The following ZFP64 variants were observed in gnomAD, a reference collection of about 807,000 sequenced individuals.
ZFP64 encodes the protein zinc finger protein 64.
ZFP64 carries 14 observed loss-of-function variants against 51.6 expected under a neutral mutation model. That is an observed-to-expected ratio of 0.27 (90% CI 0.18 to 0.42). ZFP64 has a LOEUF of 0.42. Among genes scored for constraint, ZFP64 ranks in the 10% least tolerant of loss-of-function variants. The pLI, the probability that ZFP64 is intolerant of heterozygous loss-of-function variation, is 1.00. For missense variants in ZFP64, 754 were observed against 906.8 expected (o/e 0.83, Z 2.16); for synonymous variants, 375 against 361.4 (o/e 1.04, Z -0.43).
chr20:52,119,592 C>CATACAT (rs1160086714), intron 5 of ZFP64, among the ~76,000 whole-genome samples: 2 of 146,726 alleles, frequency 1.4e-5, no homozygotes, highest in Non-Finnish European at 3.0e-5. Context: ...CACACACACA[C>CATACAT]ACACACATAT....
At chr20:52,111,501 C>T (rs75552887) in intron 5 of ZFP64, among the ~76,000 whole-genome samples, 1 of 151,860 alleles carries the variant, frequency 6.6e-6, no homozygotes, top group South Asian at 2.1e-4. Context: ...AGGCGTGAGC[C>T]ACCTTGCCCA....
intron 5 of ZFP64, among the ~76,000 whole-genome samples, chr20:52,139,143 T>G (rs1271591753): frequency 2.2e-4 from 33 of 152,146 alleles, no homozygotes; most frequent in Admixed American, 2.0e-3. Flanking sequence ...TCAAAGAACT[T>G]AGAACTACCA....
chr20:52,092,795 G>A lies in ZFP64; in HGVS notation c.977-4152C>T, dbSNP rs192599739. The stretch of plus-strand genomic sequence containing the variant: ...CACTTGAACCAGGGAGACATAAGTT[G>A]CAGTAAGCCAAGAGTGCACCACTGT... On this transcript the variant is annotated intron_variant, in intron 7 of 8. Transcript: ENST00000361387. Among the ~76,000 whole-genome samples the A allele has an allele frequency of 3.9e-5, 6 of 152,304 alleles. No homozygotes were observed. In the East Asian group the frequency reaches 9.6e-4, roughly 24 times the overall value.
Position 52,153,127 on chromosome 20 carries a change from C to G in ZFP64, c.1065G>C (p.Lys355Asn), listed in dbSNP as rs200774291. 1 of 1,614,204 alleles carries G rather than the reference C, an allele frequency of 6.2e-7. No homozygotes were observed. The highest frequency in any genetic ancestry group is 1.3e-5 in the African/African-American group (1 of 75,056). Residue 355 changes from lysine to asparagine, a missense_variant, in exon 6 of 6, where the codon AAG (lysine) becomes AAC (asparagine). Lys to Asn is a moderately conservative substitution (Grantham distance 94). This residue lies in a region of ZFP64 where 428 missense variants were observed against 472.4 expected (regional missense o/e 0.91). Transcript: ENST00000216923. The surrounding 1 kb of genome is among the most constrained non-coding windows in gnomAD (Gnocchi z 5.1). ...TACGCTCGTGGATGCGCAGGGCGGCCTTGCTGGAGCAGGAGTAGCTGCATT... is the reference window on the plus strand; with the variant it reads ...TACGCTCGTGGATGCGCAGGGCGGCGTTGCTGGAGCAGGAGTAGCTGCATT... ...CSECSYSCSS[K>N]AALRIHERIH...
intron 2 of ZFP64, among the ~76,000 whole-genome samples, chr20:52,166,661 G>C (rs2123037047): frequency 6.6e-6 from 1 of 152,124 alleles, no homozygotes; most frequent in Non-Finnish European, 1.5e-5. Flanking sequence ...TCGCCATGCT[G>C]CGCGGGCTGG....
intron 5 of ZFP64, chr20:52,105,617 T>C (rs193229160): frequency 2.5e-3 from 417 of 164,166 alleles, no homozygotes; most frequent in Non-Finnish European, 3.7e-3. Flanking sequence ...AGGTGATTCG[T>C]TTGCCCATTA....
chr20:52,144,322 A>C lies in ZFP64; in HGVS notation c.763+15801T>G, dbSNP rs1272190003. 2.1e-5 allele frequency among the ~76,000 whole-genome samples: 3 copies of C among 141,296 alleles called. 1 individual carries two copies. Among genetic ancestry groups the C allele is most frequent in the African/African-American group, 7.6e-5 (3 of 39,512 alleles). The allele number at this position is 141,296 out of a possible 152,430, so 92.7% of individuals were successfully genotyped here. On this transcript the variant is annotated intron_variant, in intron 5 of 8. Coordinates refer to the ZFP64 transcript ENST00000361387. The stretch of plus-strand genomic sequence containing the variant: ...AGGCCAGGCATGGTGGCTCACACCT[A>C]CAATCCCAGCACTTTGGGAGGCCAA...
intron 2 of ZFP64, chr20:52,175,815 T>A: frequency 1.4e-6 from 1 of 717,664 alleles, no homozygotes; most frequent in Non-Finnish European, 1.7e-6. Context: ...CACTCCAGCC[T>A]GGGTGGCAGA....
At chr20:52,151,099 A>T (rs1980768079), downstream of ZFP64, among the ~76,000 whole-genome samples, 1 of 152,214 alleles carries the variant, frequency 6.6e-6, no homozygotes, top group African/African-American at 2.4e-5. Context: ...AGTGGGATGG[A>T]TCACTTTATC....
intron 5 of ZFP64, among the ~76,000 whole-genome samples, chr20:52,155,644 C>CTTT (rs563210926): frequency 0.015 from 2,249 of 146,412 alleles, 46 homozygotes; most frequent in African/African-American, 0.053. Context: ...ATTCCTTTGT[C>CTTT]TTTTTTTTTT....
chr20:52,102,229 A>G (rs1244314819), intron 5 of ZFP64, among the ~76,000 whole-genome samples: 1 of 152,090 alleles, frequency 6.6e-6, no homozygotes, highest in Non-Finnish European at 1.5e-5. Flanking sequence ...TGAGAAGCAC[A>G]GCTCACAGCC....
At chr20:52,111,056 C>CGGAGA in intron 5 of ZFP64, 1 of 1,300,032 alleles carries the variant, frequency 7.7e-7, no homozygotes, top group East Asian at 2.4e-5. Context: ...CCATGCGGAG[C>CGGAGA]GGAGAGGAGC....
At position 52,119,622 on chromosome 20, in the gene ZFP64, A is replaced by G. The variant is rs370042066; in HGVS notation, c.764-21035T>C. 3.7e-3 allele frequency among the ~76,000 whole-genome samples: 494 copies of G among 131,882 alleles called. 2 individuals carry two copies. Among genetic ancestry groups the G allele is most frequent in the African/African-American group, 0.013 (476 of 35,910 alleles). 86.5% of individuals were successfully genotyped at this position (131,882 alleles called of 152,430 possible). A position where few individuals can be genotyped will look rare whatever the true frequency, so the allele number is the denominator to read the frequency against. On this transcript the variant is annotated intron_variant, in intron 5 of 8. Coordinates refer to the ZFP64 transcript ENST00000361387. Reference sequence around the variant, plus strand: ...ACATATAAACACAAAAAAATTAGTCAGGCATGGTGGCGTGCACCTGTAGTC... The same window carrying G: ...ACATATAAACACAAAAAAATTAGTCGGGCATGGTGGCGTGCACCTGTAGTC...
At chr20:52,093,812 G>T (rs1286299256) in intron 7 of ZFP64, among the ~76,000 whole-genome samples, 1 of 152,158 alleles carries the variant, frequency 6.6e-6, no homozygotes, top group Non-Finnish European at 1.5e-5. Flanking sequence ...GATTCAGTAG[G>T]TCTACGGTGC....
chr20:52,102,816 T>C (rs1307615972), intron 5 of ZFP64, among the ~76,000 whole-genome samples: 1 of 152,210 alleles, frequency 6.6e-6, no homozygotes, highest in Non-Finnish European at 1.5e-5. Flanking sequence ...CTCATTAGCT[T>C]AGATGAAGTT....
chr20:52,191,628 C>A lies in ZFP64; in HGVS notation c.9G>T (p.Ala3=). The A allele has an allele frequency of 6.3e-7, 1 of 1,589,306 alleles. No homozygotes were observed. Among genetic ancestry groups the A allele is most frequent in the South Asian group, 1.1e-5 (1 of 87,542 alleles). The change falls in exon 1 of 6, where the codon GCG becomes GCT. Residue 3 remains alanine, a synonymous_variant. Transcript: ENST00000216923. This position sits in a 1 kb window ranked among gnomAD's most constrained non-coding sequence, Gnocchi z 4.3. The part of the protein sequence containing the change: MN[A]SSEGESFAGS... ...CCGCGAAGCTCTCGCCCTCGCTGCTCGCGTTCATGGCCGCAGACTGGGAGG... is the reference window on the plus strand; with the variant it reads ...CCGCGAAGCTCTCGCCCTCGCTGCTAGCGTTCATGGCCGCAGACTGGGAGG...
intron 6 of ZFP64, chr20:52,097,451 AG>A (rs1170842933): frequency 1.1e-5 from 18 of 1,572,038 alleles, no homozygotes; most frequent in African/African-American, 1.5e-5. Context: ...AAAGAAAAAT[AG>A]ATTTTTTTTT....
Position 52,105,951 on chromosome 20 carries a change from C to T in ZFP64, c.764-7364G>A, listed in dbSNP as rs78675139. ...CACGACCTCCACTCCTGGTTCTCAACCCTGCTGCATACCCAAATTTAAATT... is the reference window on the plus strand; with the variant it reads ...CACGACCTCCACTCCTGGTTCTCAATCCTGCTGCATACCCAAATTTAAATT... On this transcript the variant is annotated intron_variant, in intron 5 of 8. Transcript: ENST00000361387. Among the ~76,000 whole-genome samples, 958 of 152,296 alleles carry T rather than the reference C, an allele frequency of 6.3e-3. 9 individuals are homozygous for T. Among genetic ancestry groups the T allele is most frequent in the African/African-American group, 0.022 (923 of 41,578 alleles).
chr20:52,152,898 C>T lies in ZFP64; in HGVS notation c.1294G>A (p.Ala432Thr). The change falls in exon 6 of 6, where the codon GCC becomes ACC. Residue 432 changes from alanine to threonine, a missense_variant. By Grantham distance (58) the Ala-to-Thr change is moderately conservative. Around this residue, in one of 3 missense-constraint regions of ZFP64, gnomAD observed 428 missense variants for 472.4 expected, o/e 0.91. Transcript: ENST00000216923. ...KKSFHCDICDASFMREDSLRS... is the reference protein window; with the variant it reads ...KKSFHCDICDTSFMREDSLRS... ...AGCGAGTCCTCCCGCATGAAGGAGG[C>T]ATCGCATATATCGCAGTGGAAACTC... 6.2e-7 allele frequency: 1 copy of T among 1,614,028 alleles called. No homozygotes were observed.
Sources: gnomAD v4.1 joint callset for allele counts (sites outside exome capture counted in the v4.1 genomes callset) on GRCh38, gnomAD v4.1.1 for gene constraint, gnomAD v4.1.1 regional missense constraint, Gnocchi (gnomAD v3.1) non-coding constraint, MANE v1.5 for transcripts, NCBI Gene and HGNC (gene_info 2026-07-23, HGNC 2026-07-21) for gene names.